DOCK9: variants seen among roughly 807,000 people sequenced by gnomAD.
The protein encoded by DOCK9 is dedicator of cytokinesis 9.
DOCK9 carries 89 observed loss-of-function variants against 263.3 expected under a neutral mutation model. The observed-to-expected ratio is 0.34, with a 90% CI of 0.28 to 0.40. The LOEUF (loss-of-function observed/expected upper bound fraction) is 0.40. DOCK9 is among the 10% of genes least tolerant of loss of function. The pLI is 1.00. For synonymous variants in DOCK9, 976 were observed against 973.1 expected, an observed-to-expected ratio of 1.00 and a Z score of -0.06; for missense variants, 2,140 against 2,603.4, an observed-to-expected ratio of 0.82 and a Z score of 3.87.
In DOCK9 at chr13:98,794,387, C is replaced by T; in HGVS notation, c.*239G>A. 1.9e-6 allele frequency: 1 copy of T among 537,128 alleles called. No individual in the cohort carries two copies. The highest frequency in any genetic ancestry group is 3.3e-6 in the Non-Finnish European group (1 of 307,146). 33.3% of individuals were successfully genotyped at this position (537,128 alleles called of 1,614,324 possible). On this transcript the variant is annotated 3_prime_UTR_variant, in exon 53 of 53. Transcript: ENST00000682017. ...AAGTCCAGCTCAAGAGTGTCTACCA[C>T]ACCTTTGTTAAGACACAATGAAAAC...
intron 1 of DOCK9, among the ~76,000 whole-genome samples, chr13:99,047,238 T>C (rs570899290): frequency 1.3e-5 from 2 of 152,304 alleles, no homozygotes; most frequent in African/African-American, 4.8e-5. Flanking sequence ...AAGTACATAT[T>C]TTTTATTTCC....
intron 1 of DOCK9, among the ~76,000 whole-genome samples, chr13:99,041,634 T>TG (rs530689804): frequency 7.8e-4 from 119 of 152,340 alleles, no homozygotes; most frequent in Middle Eastern, 3.4e-3. Flanking sequence ...GTAGGTTAGA[T>TG]GGTGTTCCCC....
At chr13:98,949,555 G>A (rs865827544) in intron 2 of DOCK9, among the ~76,000 whole-genome samples, 3 of 152,224 alleles carry the variant, frequency 2.0e-5, no homozygotes, top group Admixed American at 6.5e-5. Flanking sequence ...ACTGTGATGA[G>A]AGGTGTCTGC....
At chr13:99,015,264 A>G (rs1051637459) in intron 1 of DOCK9, among the ~76,000 whole-genome samples, 2 of 152,256 alleles carry the variant, frequency 1.3e-5, no homozygotes, top group African/African-American at 2.4e-5. Context: ...TGATGAATAC[A>G]TGGCATTCTC....
At chr13:98,906,704 A>AT (rs762230677) in intron 9 of DOCK9, among the ~76,000 whole-genome samples, 10 of 152,308 alleles carry the variant, frequency 6.6e-5, no homozygotes, top group Non-Finnish European at 8.8e-5. Context: ...AAGCATCTTA[A>AT]TCTTCTTAGC....
At chr13:98,841,619 T>A in intron 38 of DOCK9, among the ~76,000 whole-genome samples, 1 of 148,198 alleles carries the variant, frequency 6.7e-6, no homozygotes, top group Non-Finnish European at 1.5e-5. Context: ...GAACAAAATT[T>A]TTTTTTTTTT....
At chr13:99,064,882 T>C (rs1461116757) in intron 1 of DOCK9, among the ~76,000 whole-genome samples, 17 of 152,234 alleles carry the variant, frequency 1.1e-4, no homozygotes, top group Admixed American at 1.1e-3. Flanking sequence ...GGCCCCCTAA[T>C]AGCTCACTGC....
intron 1 of DOCK9, among the ~76,000 whole-genome samples, chr13:98,969,555 G>A (rs1376757574): frequency 2.6e-5 from 4 of 152,214 alleles, no homozygotes; most frequent in Non-Finnish European, 5.9e-5. Context: ...AGCCCCGTTA[G>A]TGAGGGAGAC....
At chr13:98,900,262 C>T (rs1346132291) in intron 13 of DOCK9, among the ~76,000 whole-genome samples, 1 of 152,172 alleles carries the variant, frequency 6.6e-6, no homozygotes, top group East Asian at 1.9e-4. Context: ...GTGATTTTTA[C>T]ACCAATATGA....
chr13:99,006,145 C>A (rs1040773345), intron 1 of DOCK9, among the ~76,000 whole-genome samples: 1 of 152,086 alleles, frequency 6.6e-6, no homozygotes, highest in African/African-American at 2.4e-5. Flanking sequence ...AACAGAGAAA[C>A]ACGTGATGAA....
chr13:98,992,945 C>A (rs1009185273), intron 1 of DOCK9, among the ~76,000 whole-genome samples: 2 of 152,050 alleles, frequency 1.3e-5, no homozygotes, highest in African/African-American at 4.8e-5. Context: ...AAGTACATAT[C>A]CAGAAAGGTG....
At chr13:99,068,077 T>C (rs1252828134) in intron 1 of DOCK9, among the ~76,000 whole-genome samples, 1 of 152,030 alleles carries the variant, frequency 6.6e-6, no homozygotes, top group African/African-American at 2.4e-5. Context: ...GCATTGATAC[T>C]CTAGACCAGG....
chr13:99,032,326 A>T (rs1887431157), intron 1 of DOCK9, among the ~76,000 whole-genome samples: 1 of 152,082 alleles, frequency 6.6e-6, no homozygotes, highest in African/African-American at 2.4e-5. Context: ...CAAAAAAAAA[A>T]TTAGCCAGAA....
chr13:98,997,701 T>C (rs1418823520), intron 1 of DOCK9, among the ~76,000 whole-genome samples: 1 of 152,258 alleles, frequency 6.6e-6, no homozygotes, highest in Non-Finnish European at 1.5e-5. Flanking sequence ...TTTTCCTGTC[T>C]CTGTGCATTG....
intron 15 of DOCK9, among the ~76,000 whole-genome samples, chr13:98,896,374 G>A (rs141990934): frequency 9.3e-5 from 14 of 151,274 alleles, no homozygotes; most frequent in East Asian, 7.8e-4. Flanking sequence ...GACTCATATC[G>A]TTTCTATTCC....
At chr13:98,952,561 G>A (rs771843023) in intron 2 of DOCK9, among the ~76,000 whole-genome samples, 8 of 152,144 alleles carry the variant, frequency 5.3e-5, no homozygotes, top group African/African-American at 7.2e-5. Context: ...AAAAATCCAC[G>A]TTTACTTCAT....
At chr13:99,007,209 G>A (rs1215316031) in intron 1 of DOCK9, among the ~76,000 whole-genome samples, 1 of 151,678 alleles carries the variant, frequency 6.6e-6, no homozygotes, top group East Asian at 1.9e-4. Flanking sequence ...CCAACATGGT[G>A]AAACCCTGTC....
exon 1 of DOCK9, chr13:99,086,337 C>A: frequency 2.1e-6 from 3 of 1,452,044 alleles, no homozygotes; most frequent in Middle Eastern, 2.4e-4. Context: ...CGGGGAGCAG[C>A]GGCGGCTGCG....
At position 98,883,878 on chromosome 13, in the gene DOCK9, A is replaced by G. The variant is rs751532147; in HGVS notation, c.2404T>C (p.Trp802Arg). 1.9e-6 allele frequency: 3 copies of G among 1,611,240 alleles called. No homozygotes were observed. The highest frequency in any genetic ancestry group is 1.1e-5 in the South Asian group (1 of 90,098). The change falls in exon 22 of 53, where the codon TGG becomes CGG. Residue 802 changes from tryptophan (W) to arginine (R), a missense_variant. Trp to Arg is a moderately radical substitution (Grantham distance 101, BLOSUM62 -3). Transcript: ENST00000682017. ...AGCAGTGGCTTGCCTCCATCTACCC[A>G]TTTAATTTCCGGACCATAATGCTAA... ...MGRHYGPEIKWVDGGKPLLKI... is the reference protein window; with the variant it reads ...MGRHYGPEIKRVDGGKPLLKI...
Sources: allele counts gnomAD v4.1 joint callset (sites outside exome capture counted in the v4.1 genomes callset), GRCh38; gene constraint gnomAD v4.1.1; transcripts MANE v1.5; gene names NCBI Gene and HGNC (gene_info 2026-07-23, HGNC 2026-07-21).